The following DDX50 variants were observed in gnomAD, a reference collection of about 807,000 sequenced individuals.
DDX50 encodes DExD-box helicase 50.
DDX50 carries 56 observed loss-of-function variants against 94.8 expected under a neutral mutation model. The ratio of observed to expected loss-of-function variants is 0.59; its 90% CI spans 0.48 to 0.74. The LOEUF is 0.74. DDX50 is among the 30% of genes least tolerant of loss of function. The pLI is 0.00. For synonymous variants in DDX50, 264 were observed against 295.4 expected (o/e 0.89, Z 1.09); for missense variants, 713 against 881.2 (o/e 0.81, Z 2.42).
rs372048657 is a variant in DDX50 at position 68,934,151 on chromosome 10, T to C, written c.1240-48T>C. On this transcript the variant is annotated intron_variant, in intron 8 of 14. Transcript: ENST00000373585. This position sits in a 1 kb window ranked among gnomAD's most constrained non-coding sequence, Gnocchi z 4.0. ...AGACTAGATGTTGTTGTGCTATCAG[T>C]TGCAAGTATGAGCTGTACACTTAAT... The C allele has an allele frequency of 1.9e-6, 3 of 1,557,568 alleles. No individual in the cohort carries two copies. The highest frequency in any genetic ancestry group is 2.8e-5 in the African/African-American group (2 of 72,560).
At chr10:68,914,358 C>T in intron 7 of DDX50, 154 bp downstream of exon 7, 2 of 799,882 alleles carry the variant, frequency 2.5e-6, no homozygotes, top group Non-Finnish European at 3.8e-6. Flanking sequence ...TAGTCTGAGA[C>T]TGAGTAGCAG....
chr10:68,930,518 C>A (rs138745366), intron 8 of DDX50, among the ~76,000 whole-genome samples: 1 of 151,934 alleles, frequency 6.6e-6, no homozygotes, highest in Non-Finnish European at 1.5e-5. Context: ...TTGAGTATGT[C>A]CTTCCAATTT....
At chr10:68,914,559 T>C (rs1200395952) in intron 7 of DDX50, among the ~76,000 whole-genome samples, 1 of 152,096 alleles carries the variant, frequency 6.6e-6, no homozygotes, top group Non-Finnish European at 1.5e-5. Flanking sequence ...AAAAGAATAG[T>C]GCGGAGATAA....
At position 68,914,104 on chromosome 10, in the gene DDX50, C is replaced by T. The variant is rs1841714718; in HGVS notation, c.989C>T (p.Pro330Leu). The stretch of plus-strand genomic sequence containing the variant: ...ACTTTACTTTTTTCTGCAACTTGCC[C>T]ACAGTGGGTATACAAAGTTGCAAAA... ...PQTLLFSATCPQWVYKVAKKY... is the reference protein window; with the variant it reads ...PQTLLFSATCLQWVYKVAKKY... Residue 330 changes from proline to leucine, a missense_variant, in exon 7 of 15, where the codon CCA (proline) becomes CTA (leucine). By Grantham distance (98) the Pro-to-Leu change is moderately conservative. This residue lies in a region of DDX50 where 428 missense variants were observed against 602.3 expected (regional missense o/e 0.71). Coordinates refer to ENST00000373585, the MANE Select transcript of DDX50 (RefSeq NM_024045.2). The T allele has an allele frequency of 1.2e-6, 2 of 1,607,450 alleles. No homozygotes were observed. The highest frequency in any genetic ancestry group is 1.7e-6 in the Non-Finnish European group (2 of 1,178,044).
chr10:68,932,866 T>C (rs1842307146), intron 8 of DDX50, among the ~76,000 whole-genome samples: 1 of 152,170 alleles, frequency 6.6e-6, no homozygotes, highest in Admixed American at 6.6e-5. Flanking sequence ...TCATAGAGTA[T>C]TGAAGAATAA....
chr10:68,908,907 A>C (rs1841547862), intron 2 of DDX50, among the ~76,000 whole-genome samples: 1 of 152,150 alleles, frequency 6.6e-6, no homozygotes, highest in Non-Finnish European at 1.5e-5. Flanking sequence ...TGGCCTCCCA[A>C]AGTGCTGGGA....
intron 8 of DDX50, among the ~76,000 whole-genome samples, chr10:68,930,114 CTTTTTTT>C (rs34023657): frequency 0.02 from 2,012 of 99,734 alleles, 9 homozygotes; most frequent in Middle Eastern, 0.063. Flanking sequence ...CTTTCCTTTC[CTTTTTTT>C]TTTTTTTTTT....
chr10:68,906,313 C>G (rs974994273), intron 1 of DDX50: 42 of 159,642 alleles, frequency 2.6e-4, no homozygotes, highest in Non-Finnish European at 4.5e-4. Context: ...ACAAGATAAG[C>G]TGAAAACACA....
chr10:68,916,832 C>G (rs536998707), intron 7 of DDX50, among the ~76,000 whole-genome samples: 1 of 152,076 alleles, frequency 6.6e-6, no homozygotes, highest in African/African-American at 2.4e-5. Flanking sequence ...TTACAGGCGC[C>G]CACCACCACA....
Position 68,945,308 on chromosome 10 carries a change from CA to C in DDX50, c.1936-1043del, listed in dbSNP as rs113053132. On this transcript the variant is annotated intron_variant, in intron 14 of 14. Transcript: ENST00000373585. ...TAGCAACAGGGTGTCTTAATAACAA[CA>C]TTTTTTTTTTTTCTTTGAGACAAGA... 3.3e-3 allele frequency among the ~76,000 whole-genome samples: 391 copies of C among 117,912 alleles called. 1 individual carries two copies. Among genetic ancestry groups the C allele is most frequent in the African/African-American group, 0.01 (350 of 33,956 alleles). The allele number at this position is 117,912 out of a possible 152,430, so 77.4% of individuals were successfully genotyped here.
rs1842318108 is a variant in DDX50 at position 68,933,181 on chromosome 10, G to T, written c.1240-1018G>T. On this transcript the variant is annotated intron_variant, in intron 8 of 14. Transcript: ENST00000373585. ...CCTCCCGGGTTCAAGCTATTCTCCT[G>T]TCTCAGCCTCCCAAGTAGCTGGAAT... is the stretch of plus-strand genomic sequence containing the variant. 2.6e-5 allele frequency among the ~76,000 whole-genome samples: 4 copies of T among 151,508 alleles called. No homozygotes were observed. In the South Asian group the frequency reaches 8.3e-4, roughly 31 times the overall value.
chr10:68,917,803 A>G (rs529288245), intron 7 of DDX50, among the ~76,000 whole-genome samples: 3 of 152,062 alleles, frequency 2.0e-5, no homozygotes, highest in South Asian at 4.1e-4. Context: ...TAGTTTTGCC[A>G]TGTTGGCCAG....
intron 1 of DDX50, among the ~76,000 whole-genome samples, chr10:68,903,715 C>T (rs992702093): frequency 6.6e-6 from 1 of 151,614 alleles, no homozygotes; most frequent in Admixed American, 6.6e-5. Context: ...GTAAGAGAAT[C>T]GTATGAACCC....
Position 68,934,459 on chromosome 10 carries a change from C to G in DDX50, c.1401+99C>G. 6.6e-7 allele frequency: 1 copy of G among 1,506,178 alleles called. No homozygotes were observed. Among genetic ancestry groups the G allele is most frequent in the Non-Finnish European group, 9.0e-7 (1 of 1,114,122 alleles). The allele number at this position is 1,506,178 out of a possible 1,614,324, so 93.3% of individuals were successfully genotyped here. On this transcript the variant is annotated intron_variant, in intron 9 of 14. Coordinates refer to ENST00000373585, the MANE Select transcript of DDX50 (RefSeq NM_024045.2). This position sits in a 1 kb window ranked among gnomAD's most constrained non-coding sequence, Gnocchi z 4.0. ...TTGGGATGTGAAAAATATGTCATCT[C>G]TTCTTGCTCTTAGCCATTTTTTGTT...
At chr10:68,916,437 A>G (rs932588820) in intron 7 of DDX50, among the ~76,000 whole-genome samples, 4 of 152,042 alleles carry the variant, frequency 2.6e-5, no homozygotes, top group African/African-American at 9.7e-5. Context: ...TGTAAAATGT[A>G]TAGTAAAAAA....
At chr10:68,941,596 T>G (rs554035426) in intron 13 of DDX50, among the ~76,000 whole-genome samples, 106 of 152,226 alleles carry the variant, frequency 7.0e-4, no homozygotes, top group African/African-American at 2.4e-3. Context: ...GTACTGGGAT[T>G]ATAGGTGTGA....
Position 68,934,119 on chromosome 10 carries a change from G to A in DDX50, c.1240-80G>A. On this transcript the variant is annotated intron_variant, in intron 8 of 14. Coordinates refer to ENST00000373585, the MANE Select transcript of DDX50 (RefSeq NM_024045.2). The surrounding 1 kb of genome is among the most constrained non-coding windows in gnomAD (Gnocchi z 4.0). ...AAGTAAGATTTAAAAACATGCAAAA[G>A]GAGCACAGACTAGATGTTGTTGTGC... 1 of 1,340,212 alleles carries A rather than the reference G, an allele frequency of 7.5e-7. No individual in the cohort carries two copies. The highest frequency in any genetic ancestry group is 1.5e-5 in the African/African-American group (1 of 66,798). The allele number at this position is 1,340,212 out of a possible 1,614,324, so 83.0% of individuals were successfully genotyped here.
intron 8 of DDX50, among the ~76,000 whole-genome samples, chr10:68,926,502 T>C (rs1842093990): frequency 6.6e-6 from 1 of 152,044 alleles, no homozygotes; most frequent in Admixed American, 6.6e-5. Context: ...TTATATGGGA[T>C]TTTATGGATT....
At chr10:68,925,102 T>C (rs1160341602) in intron 8 of DDX50, among the ~76,000 whole-genome samples, 1 of 126,650 alleles carries the variant, frequency 7.9e-6, no homozygotes, top group Non-Finnish European at 1.5e-5. Context: ...ATGGTTTTTT[T>C]TTTTTTTTTT....
Sources: gnomAD v4.1 joint callset for allele counts (sites outside exome capture counted in the v4.1 genomes callset) on GRCh38, gnomAD v4.1.1 for gene constraint, gnomAD v4.1.1 regional missense constraint, Gnocchi (gnomAD v3.1) non-coding constraint, MANE v1.5 for transcripts, NCBI Gene and HGNC (gene_info 2026-07-23, HGNC 2026-07-21) for gene names.